The following PDZD2 variants were observed in gnomAD, a reference collection of about 807,000 sequenced individuals.
PDZD2 encodes PDZ domain-containing protein 2.
A neutral mutation model predicts 220.7 loss-of-function variants in PDZD2; 90 were observed. The observed-to-expected ratio is 0.41, with a 90% CI of 0.34 to 0.49. PDZD2 has a LOEUF of 0.49. Among genes scored for constraint, PDZD2 ranks in the 20% least tolerant of loss-of-function variants. The pLI is 0.28. For missense variants in PDZD2, 3,174 were observed against 3,608.5 expected (o/e 0.88, Z 3.08); for synonymous variants, 1,375 against 1,450.5 (o/e 0.95, Z 1.18).
Position 32,073,470 on chromosome 5 carries a change from C to G in PDZD2, c.2726-362C>G, listed in dbSNP as rs113181111. Among the ~76,000 whole-genome samples the G allele has an allele frequency of 4.3e-3, 661 of 152,218 alleles. 4 individuals are homozygous for G. Among genetic ancestry groups the G allele is most frequent in the African/African-American group, 0.015 (611 of 41,512 alleles). The stretch of plus-strand genomic sequence containing the variant: ...ATGTCATCAGTCCCCAGGCATCCTT[C>G]TATGGAGGAATTCTCAGCAGCATTT... On this transcript the variant is annotated intron_variant, in intron 17 of 24. Transcript: ENST00000438447.
rs1397452613 is a variant in PDZD2, at chr5:31,872,795, T to C, written c.476+73071T>C. On this transcript the variant is annotated intron_variant, in intron 2 of 24. Transcript: ENST00000438447. ...ACATACGTGTGTGTATGTGTGTGTG[T>C]ACAGTCATGCACTGAATAATAACGT... is the stretch of plus-strand genomic sequence containing the variant. Among the ~76,000 whole-genome samples, 3 of 152,106 alleles carry C rather than the reference T, an allele frequency of 2.0e-5. No homozygotes were observed. In the East Asian group the frequency reaches 5.8e-4, roughly 29 times the overall value.
chr5:32,034,507 C>A (rs141189896), intron 6 of PDZD2, among the ~76,000 whole-genome samples: 1 of 151,926 alleles, frequency 6.6e-6, no homozygotes, highest in African/African-American at 2.4e-5. Context: ...TATACAGGCA[C>A]GTGCCACTAT....
chr5:31,896,556 T>G (rs894689890), intron 2 of PDZD2, among the ~76,000 whole-genome samples: 3 of 152,194 alleles, frequency 2.0e-5, no homozygotes, highest in African/African-American at 7.2e-5. Flanking sequence ...GGGCTGGATA[T>G]TAAATCCAGA....
At chr5:31,684,226 T>A (rs936396853) in intron 1 of PDZD2, among the ~76,000 whole-genome samples, 1 of 152,230 alleles carries the variant, frequency 6.6e-6, no homozygotes, top group African/African-American at 2.4e-5. Context: ...GTGTCTCAAG[T>A]GATGGATGGA....
At chr5:31,767,057 C>G (rs1752072192) in intron 1 of PDZD2, among the ~76,000 whole-genome samples, 2 of 111,958 alleles carry the variant, frequency 1.8e-5, no homozygotes, top group South Asian at 6.8e-4. Flanking sequence ...GAGACAGAGT[C>G]TCACTGTGTC....
chr5:32,003,319 A>C (rs984941976), intron 5 of PDZD2, among the ~76,000 whole-genome samples: 64 of 31,706 alleles, frequency 2.0e-3, no homozygotes, highest in Non-Finnish European at 3.4e-3. Flanking sequence ...CACACACCCC[A>C]CACACACACC....
intron 2 of PDZD2, among the ~76,000 whole-genome samples, chr5:31,910,991 TATGAG>T (rs1339812421): frequency 6.6e-6 from 1 of 152,230 alleles, no homozygotes; most frequent in African/African-American, 2.4e-5. Context: ...TTCCCATTGA[TATGAG>T]ATAATTGTGT....
At chr5:31,826,769 A>G (rs974519793) in intron 2 of PDZD2, among the ~76,000 whole-genome samples, 7 of 152,184 alleles carry the variant, frequency 4.6e-5, no homozygotes, top group Admixed American at 2.0e-4. Context: ...AGCCACATGC[A>G]TTAGGTATAT....
intron 2 of PDZD2, among the ~76,000 whole-genome samples, chr5:31,884,708 G>A (rs1163725953): frequency 6.6e-6 from 1 of 152,072 alleles, no homozygotes; most frequent in Non-Finnish European, 1.5e-5. Flanking sequence ...CCTGCCTCAG[G>A]CTGTCAAGTA....
At chr5:32,104,716 TAAAAAAAAAAAAAAAAAAA>T (rs755177769) in intron 24 of PDZD2, among the ~76,000 whole-genome samples, 1 of 30,054 alleles carries the variant, frequency 3.3e-5, no homozygotes, top group South Asian at 2.1e-3. Context: ...AGGCTCCATC[TAAAAAAAAAAAAAAAAAAA>T]AAAAAAAAAA....
At position 32,069,646 on chromosome 5, in the gene PDZD2, CT is replaced by C; in HGVS notation, c.2531del (p.Leu844Ter). ...GCAAAGAGGCCAATTCCTCTCCTGG[CT>C]TAGGTACTGTAATCTCACATTTTCA... ...ESKEANSSPG[L>X]GTPLKSPSLA... On this transcript the variant is annotated frameshift_variant, in exon 15 of 25. Coordinates refer to ENST00000438447, the MANE Select transcript of PDZD2 (RefSeq NM_178140.4). LOFTEE classifies it high-confidence loss of function. 1.4e-6 allele frequency: 2 copies of C among 1,467,588 alleles called. No individual in the cohort carries two copies. The highest frequency in any genetic ancestry group is 1.9e-6 in the Non-Finnish European group (2 of 1,046,126). The allele number at this position is 1,467,588 out of a possible 1,614,324, so 90.9% of individuals were successfully genotyped here. A position where few individuals can be genotyped will look rare whatever the true frequency, so the allele number is the denominator to read the frequency against.
At chr5:32,046,523 A>C (rs1254708628) in intron 7 of PDZD2, among the ~76,000 whole-genome samples, 1 of 152,058 alleles carries the variant, frequency 6.6e-6, no homozygotes, top group South Asian at 2.1e-4. Context: ...GATTACAGGC[A>C]TGAGCCACCG....
Position 32,090,858 on chromosome 5 carries a change from C to G in PDZD2, c.7410C>G (p.Arg2470=). 1 of 1,614,076 alleles carries G rather than the reference C, an allele frequency of 6.2e-7. No homozygotes were observed. Among genetic ancestry groups the G allele is most frequent in the Non-Finnish European group, 8.5e-7 (1 of 1,180,018 alleles). The change falls in exon 20 of 25, where the codon CGC becomes CGG. Residue 2470 remains arginine, a synonymous_variant. Coordinates refer to ENST00000438447, the MANE Select transcript of PDZD2 (RefSeq NM_178140.4). The surrounding 1 kb of genome is among the most constrained non-coding windows in gnomAD (Gnocchi z 4.3). ...TTAAGAGGAACAAGTCCTCGGTACGCCACACGCAGCCCTCGCCCGTGTCCC... is the reference window on the plus strand; with the variant it reads ...TTAAGAGGAACAAGTCCTCGGTACGGCACACGCAGCCCTCGCCCGTGTCCC... ...SPVKRNKSSV[R]HTQPSPVSRS... is the part of the protein sequence containing the mutation.
intron 1 of PDZD2, among the ~76,000 whole-genome samples, chr5:31,716,695 C>G (rs173810): frequency 0.76 from 115,105 of 151,896 alleles, 43,755 homozygotes; most frequent in East Asian, 0.94. Flanking sequence ...CCCAGCTACT[C>G]GGGAGCCTGA....
In PDZD2 at chr5:31,646,309, A is replaced by G. The variant is rs891677868; in HGVS notation, c.-361+6872A>G. On this transcript the variant is annotated intron_variant, in intron 1 of 24. Coordinates refer to ENST00000438447, the MANE Select transcript of PDZD2 (RefSeq NM_178140.4). This position sits in a 1 kb window ranked among gnomAD's most constrained non-coding sequence, Gnocchi z 4.7. ...TCTTGGGTTGGTGGGTACAAGTTTG[A>G]ACACCTAGTAATGCCCCTTACCCCT... Among the ~76,000 whole-genome samples, 2 of 151,910 alleles carry G rather than the reference A, an allele frequency of 1.3e-5. No homozygotes were observed. Among genetic ancestry groups the G allele is most frequent in the Non-Finnish European group, 2.9e-5 (2 of 67,978 alleles).
At chr5:31,988,289 T>C (rs2111910611) in intron 3 of PDZD2, among the ~76,000 whole-genome samples, 1 of 152,348 alleles carries the variant, frequency 6.6e-6, no homozygotes, top group South Asian at 2.1e-4. Flanking sequence ...TGATTCCTGG[T>C]TAACTGTCTG....
intron 1 of PDZD2, among the ~76,000 whole-genome samples, chr5:31,675,731 C>G (rs2150120471): frequency 6.6e-6 from 1 of 152,296 alleles, no homozygotes; most frequent in South Asian, 2.1e-4. Context: ...GGCTCCCACT[C>G]TGTCACCCAG....
At position 32,057,509 on chromosome 5, in the gene PDZD2, C is replaced by T. The variant is rs1739201915; in HGVS notation, c.1901-146C>T. 16 of 590,724 alleles carry T rather than the reference C, an allele frequency of 2.7e-5. No homozygotes were observed. The East Asian group carries it at 4.3e-4, about 16-fold the overall frequency. The allele number at this position is 590,724 out of a possible 1,614,324, so 36.6% of individuals were successfully genotyped here. A position where few individuals can be genotyped will look rare whatever the true frequency, so the allele number is the denominator to read the frequency against. Reference sequence around the variant, plus strand: ...ATTAATTGTCCCATTTTGTGACATTCCTGGGAGCTAAGCTAAACAATAAAA... The same window carrying T: ...ATTAATTGTCCCATTTTGTGACATTTCTGGGAGCTAAGCTAAACAATAAAA... On this transcript the variant is annotated intron_variant, in intron 10 of 24. Transcript: ENST00000438447.
In PDZD2 at chr5:31,980,155, A is replaced by G. The variant is rs1301994590; in HGVS notation, c.477-3000A>G. 2.0e-5 allele frequency among the ~76,000 whole-genome samples: 3 copies of G among 152,104 alleles called. No homozygotes were observed. In the East Asian group the frequency reaches 5.8e-4, roughly 29 times the overall value. On this transcript the variant is annotated intron_variant, in intron 2 of 24. Coordinates refer to ENST00000438447, the MANE Select transcript of PDZD2 (RefSeq NM_178140.4). ...CAACCGTCACCACTAATTCCAGAAC[A>G]TTTCCTTCACCCCCACAAAACCCTG...
Sources: allele counts gnomAD v4.1 joint callset (sites outside exome capture counted in the v4.1 genomes callset), GRCh38; gene constraint gnomAD v4.1.1; non-coding constraint Gnocchi (gnomAD v3.1); transcripts MANE v1.5; gene names NCBI Gene and HGNC (gene_info 2026-07-23, HGNC 2026-07-21).